PLCL1: variants seen among roughly 807,000 people sequenced by gnomAD.
The protein encoded by PLCL1 is inactive phospholipase C-like protein 1.
Under a neutral mutation model 84.4 loss-of-function variants are expected in PLCL1, and 41 were observed. The observed-to-expected ratio is 0.49, with a 90% CI of 0.38 to 0.63. The LOEUF (loss-of-function observed/expected upper bound fraction) is 0.63, where lower values mean the gene tolerates loss of function less well. Among genes scored for constraint, PLCL1 ranks in the 30% least tolerant of loss-of-function variants. The probability of loss-of-function intolerance (pLI) is 0.00; values close to 1 mark genes in which losing one functional copy is unlikely to be tolerated. For synonymous variants in PLCL1, 490 were observed against 488.3 expected, an observed-to-expected ratio of 1.00 and a Z score of -0.05; for missense variants, 1,206 against 1,367.8, an observed-to-expected ratio of 0.88 and a Z score of 1.87.
At chr2:198,043,797 A>G (rs1011336899) in intron 1 of PLCL1, among the ~76,000 whole-genome samples, 1 of 151,714 alleles carries the variant, frequency 6.6e-6, no homozygotes, top group African/African-American at 2.4e-5. Flanking sequence ...AATCTCAGAC[A>G]GAGCTTGAAA....
In PLCL1 at chr2:197,805,312, G is replaced by A; in HGVS notation, c.213G>A (p.Ala71=). ...SEAGLLEAAR[A]TPRRSSIIKD... ...CGGGCCTCCTGGAGGCAGCACGGGC[G>A]ACCCCCCGGCGCAGCAGCATCATCA... The change falls in exon 1 of 6, where the codon GCG becomes GCA. Residue 71 remains alanine (A), a synonymous_variant. Coordinates refer to ENST00000428675, the MANE Select transcript of PLCL1 (RefSeq NM_006226.4). The surrounding 1 kb of genome is among the most constrained non-coding windows in gnomAD (Gnocchi z 4.0). 1 of 1,306,326 alleles carries A rather than the reference G, an allele frequency of 7.7e-7. No individual in the cohort carries two copies. Among genetic ancestry groups the A allele is most frequent in the Non-Finnish European group, 9.7e-7 (1 of 1,031,618 alleles). 80.9% of individuals were successfully genotyped at this position (1,306,326 alleles called of 1,614,324 possible).
chr2:197,853,440 A>G (rs180679730), intron 1 of PLCL1, among the ~76,000 whole-genome samples: 1 of 152,220 alleles, frequency 6.6e-6, no homozygotes, highest in Admixed American at 6.5e-5. Flanking sequence ...TTTTTGAGGA[A>G]CTGTGATATC....
chr2:198,004,107 ATTATTTAAGGAT>A (rs1690669786), intron 1 of PLCL1, among the ~76,000 whole-genome samples: 1 of 152,050 alleles, frequency 6.6e-6, no homozygotes, highest in Admixed American at 6.5e-5. Context: ...AACTTTAAAC[ATTATTTAAGGAT>A]TCAATGTAAT....
At chr2:197,843,152 G>A (rs1297383625) in intron 1 of PLCL1, among the ~76,000 whole-genome samples, 1 of 152,202 alleles carries the variant, frequency 6.6e-6, no homozygotes, top group Admixed American at 6.5e-5. Context: ...GTGGCAATGA[G>A]TAGGTCTATG....
At chr2:197,814,315 A>G (rs1048721246) in intron 1 of PLCL1, among the ~76,000 whole-genome samples, 1 of 151,862 alleles carries the variant, frequency 6.6e-6, no homozygotes, top group Non-Finnish European at 1.5e-5. Flanking sequence ...TAACTTTTTC[A>G]TTGTTATTAT....
At chr2:198,116,673 A>T (rs968483174) in intron 5 of PLCL1, among the ~76,000 whole-genome samples, 2 of 151,950 alleles carry the variant, frequency 1.3e-5, no homozygotes, top group Non-Finnish European at 2.9e-5. Context: ...TCACAGAACC[A>T]TGACTTAGAA....
chr2:197,834,847 C>G (rs867101723), intron 1 of PLCL1, among the ~76,000 whole-genome samples: 3 of 152,160 alleles, frequency 2.0e-5, no homozygotes, highest in African/African-American at 7.2e-5. Context: ...GACACATGCA[C>G]ACGTATGTTT....
chr2:197,860,707 A>G (rs932437894), intron 1 of PLCL1, among the ~76,000 whole-genome samples: 1 of 151,994 alleles, frequency 6.6e-6, no homozygotes, highest in Non-Finnish European at 1.5e-5. Flanking sequence ...GTCCTTTGCT[A>G]CATTTTAATG....
intron 5 of PLCL1, among the ~76,000 whole-genome samples, chr2:198,146,303 G>T (rs987425962): frequency 2.0e-5 from 3 of 152,092 alleles, no homozygotes. Context: ...CAAGCATAAG[G>T]GTATGTGACT....
intron 1 of PLCL1, among the ~76,000 whole-genome samples, chr2:197,813,805 G>A (rs946626852): frequency 3.9e-5 from 6 of 152,136 alleles, no homozygotes; most frequent in Admixed American, 3.9e-4. Context: ...GAGCCAAGAA[G>A]TAGGTCCAAA....
chr2:198,077,274 T>C (rs1692598877), intron 1 of PLCL1, among the ~76,000 whole-genome samples: 1 of 152,174 alleles, frequency 6.6e-6, no homozygotes, highest in Non-Finnish European at 1.5e-5. Flanking sequence ...TCATGGCACA[T>C]GTATACATAT....
intron 1 of PLCL1, among the ~76,000 whole-genome samples, chr2:197,847,021 A>C (rs1405246366): frequency 6.6e-6 from 1 of 152,076 alleles, no homozygotes; most frequent in Non-Finnish European, 1.5e-5. Flanking sequence ...GTTTGCATGA[A>C]TGGTATGTAC....
At chr2:197,929,209 TC>T (rs2105763680) in intron 1 of PLCL1, among the ~76,000 whole-genome samples, 1 of 152,296 alleles carries the variant, frequency 6.6e-6, no homozygotes, top group South Asian at 2.1e-4. Flanking sequence ...ACTTGAGCAT[TC>T]TTGAATTTGG....
chr2:198,121,737 C>T (rs111475945), intron 5 of PLCL1, among the ~76,000 whole-genome samples: 5 of 151,994 alleles, frequency 3.3e-5, no homozygotes, highest in African/African-American at 1.2e-4. Flanking sequence ...AGAACCTGGC[C>T]TACTCTTTTA....
At chr2:198,110,730 C>T (rs554966059) in intron 5 of PLCL1, among the ~76,000 whole-genome samples, 25 of 151,732 alleles carry the variant, frequency 1.6e-4, no homozygotes, top group South Asian at 6.2e-4. Flanking sequence ...TCAAACCAGG[C>T]TCTTCCAACA....
chr2:198,032,094 T>G (rs1335015966), intron 1 of PLCL1, among the ~76,000 whole-genome samples: 2 of 152,164 alleles, frequency 1.3e-5, no homozygotes, highest in Admixed American at 6.5e-5. Flanking sequence ...AAGGAAAAGA[T>G]AATGACTAAA....
intron 1 of PLCL1, among the ~76,000 whole-genome samples, chr2:198,070,315 C>G (rs1692432226): frequency 1.3e-5 from 2 of 152,082 alleles, no homozygotes; most frequent in South Asian, 4.1e-4. Context: ...AAGGAATTCT[C>G]AAGTTTAACC....
At chr2:198,146,130 C>T (rs1366560018) in intron 5 of PLCL1, among the ~76,000 whole-genome samples, 1 of 152,170 alleles carries the variant, frequency 6.6e-6, no homozygotes, top group Non-Finnish European at 1.5e-5. Flanking sequence ...TTCCTGCAAT[C>T]CTCATTTCCT....
In PLCL1 at chr2:197,810,108, T is replaced by C. The variant is rs182537541; in HGVS notation, c.240+4769T>C. On this transcript the variant is annotated intron_variant, in intron 1 of 5. Coordinates refer to ENST00000428675, the MANE Select transcript of PLCL1 (RefSeq NM_006226.4). ...GCCCTGGGGGCTTCAGCTGCGGCTC[T>C]CCTCCCGAGATGTGATTTGGCTGCA... The C allele has an allele frequency of 5.8e-3, 1,408 of 243,926 alleles. 13 individuals carry two copies. The highest frequency in any genetic ancestry group is 9.2e-3 in the Non-Finnish European group (1,121 of 121,702). The allele number at this position is 243,926 out of a possible 1,614,324, so 15.1% of individuals were successfully genotyped here.
Sources: allele counts gnomAD v4.1 joint callset (sites outside exome capture counted in the v4.1 genomes callset), GRCh38; gene constraint gnomAD v4.1.1; non-coding constraint Gnocchi (gnomAD v3.1); transcripts MANE v1.5; gene names NCBI Gene and HGNC (gene_info 2026-07-23, HGNC 2026-07-21).